The following ZNF215 variants were observed in gnomAD, a reference collection of about 807,000 sequenced individuals.
The protein encoded by ZNF215 is zinc finger protein 215, also known as BWSCR2-associated zinc finger protein 2.
A neutral mutation model predicts 27.2 loss-of-function variants in ZNF215; 24 were observed. That is an observed-to-expected ratio of 0.88 (90% confidence interval 0.64 to 1.24). ZNF215 has a LOEUF of 1.24. Among genes scored for constraint, ZNF215 ranks in the 50% most tolerant of loss-of-function variants. The pLI, the probability that ZNF215 is intolerant of heterozygous loss-of-function variation, is 0.00. For missense variants in ZNF215, 675 were observed against 605.7 expected (o/e 1.11, Z -1.20); for synonymous variants, 210 against 204.0 (o/e 1.03, Z -0.25).
At position 6,932,410 on chromosome 11, in the gene ZNF215, A is replaced by T; in HGVS notation, c.138A>T (p.Ala46=). 1 of 1,614,208 alleles carries T rather than the reference A, an allele frequency of 6.2e-7. No homozygotes were observed. The highest frequency in any genetic ancestry group is 8.5e-7 in the Non-Finnish European group (1 of 1,180,028). The change falls in exon 3 of 7, where the codon GCA becomes GCT. Residue 46 remains alanine (A), a synonymous_variant. Coordinates refer to ENST00000278319, the MANE Select transcript of ZNF215 (RefSeq NM_013250.4). Reference sequence around the variant, plus strand: ...TCGTGGAGACACATGACTCTGAGGCATCTCGTCAAAAGTTCAGACATTTCC... The same window carrying T: ...TCGTGGAGACACATGACTCTGAGGCTTCTCGTCAAAAGTTCAGACATTTCC... ...NPVVETHDSE[A]SRQKFRHFQY...
At position 6,955,796 on chromosome 11, in the gene ZNF215, A is replaced by G. The variant is rs758746303; in HGVS notation, c.819A>G (p.Leu273=). The part of the protein sequence containing the change: ...SSDAWKGENW[L]YRNQKKWDIN... Reference sequence around the variant, plus strand: ...ATGCCTGGAAAGGTGAGAATTGGTTATATAGGAACCAGAAAAAATGGGACA... The same window carrying G: ...ATGCCTGGAAAGGTGAGAATTGGTTGTATAGGAACCAGAAAAAATGGGACA... Residue 273 remains leucine (L), a synonymous_variant, in exon 7 of 7, where the codon TTA becomes TTG. Coordinates refer to ENST00000278319, the MANE Select transcript of ZNF215 (RefSeq NM_013250.4). 12 of 1,613,876 alleles carry G rather than the reference A, an allele frequency of 7.4e-6. No homozygotes were observed. The highest frequency in any genetic ancestry group is 9.3e-6 in the Non-Finnish European group (11 of 1,179,958).
At position 6,943,187 on chromosome 11, in the gene ZNF215, C is replaced by A; in HGVS notation, c.588C>A (p.Asn196Lys). The A allele has an allele frequency of 6.2e-7, 1 of 1,613,462 alleles. No homozygotes were observed. Among genetic ancestry groups the A allele is most frequent in the Non-Finnish European group, 8.5e-7 (1 of 1,179,818 alleles). Residue 196 changes from asparagine (N) to lysine (K), a missense_variant, in exon 5 of 7, where the codon AAC (asparagine) becomes AAA (lysine). Asn to Lys is a moderately conservative substitution (Grantham distance 94, BLOSUM62 0). Coordinates refer to ENST00000278319, the MANE Select transcript of ZNF215 (RefSeq NM_013250.4). The part of the protein sequence containing the change: ...KNLYRNVMLE[N>K]FRNLNSLRKA... ...TGTACAGGAATGTGATGCTGGAAAA[C>A]TTTAGGAACCTGAATTCATTGCGTA... is the stretch of plus-strand genomic sequence containing the variant.
chr11:6,976,926 G>A (rs1486154821), intron 5 of ZNF215, among the ~76,000 whole-genome samples: 7 of 152,044 alleles, frequency 4.6e-5, no homozygotes, highest in South Asian at 2.1e-4. Context: ...AAAAAGTCAA[G>A]ATGTTGGCAG....
At chr11:6,973,358 C>A (rs1190348589) in intron 5 of ZNF215, among the ~76,000 whole-genome samples, 3 of 152,084 alleles carry the variant, frequency 2.0e-5, no homozygotes, top group Admixed American at 2.0e-4. Context: ...AATAAACATA[C>A]GTGTGCATGT....
chr11:6,931,625 T>G (rs1849269110), intron 2 of ZNF215, among the ~76,000 whole-genome samples: 1 of 151,860 alleles, frequency 6.6e-6, no homozygotes, highest in Non-Finnish European at 1.5e-5. Flanking sequence ...TGGATATTAT[T>G]CTAGTATATT....
chr11:6,979,914 G>A (rs1414800628), intron 5 of ZNF215, among the ~76,000 whole-genome samples: 4 of 151,968 alleles, frequency 2.6e-5, no homozygotes, highest in Non-Finnish European at 1.5e-5. Flanking sequence ...TTTTTTAAAA[G>A]CTTATTTATT....
intron 5 of ZNF215, among the ~76,000 whole-genome samples, chr11:6,964,447 G>C (rs1158096366): frequency 6.6e-6 from 1 of 151,968 alleles, no homozygotes; most frequent in African/African-American, 2.4e-5. Flanking sequence ...CATTATGTGA[G>C]GTATGGGTCA....
At chr11:6,967,277 A>G (rs936292327) in intron 5 of ZNF215, among the ~76,000 whole-genome samples, 1 of 152,152 alleles carries the variant, frequency 6.6e-6, no homozygotes, top group Non-Finnish European at 1.5e-5. Context: ...ACATACATGT[A>G]TGTGTGTATT....
At chr11:6,941,780 C>A in intron 4 of ZNF215, 127 bp downstream of exon 4, 1 of 910,352 alleles carries the variant, frequency 1.1e-6, no homozygotes, top group Non-Finnish European at 1.7e-6. Context: ...TTTTATTTTC[C>A]CACAGGACAC....
intron 5 of ZNF215, among the ~76,000 whole-genome samples, chr11:6,967,279 G>A (rs1380706719): frequency 2.0e-5 from 3 of 152,138 alleles, no homozygotes; most frequent in African/African-American, 4.8e-5. Context: ...ATACATGTAT[G>A]TGTGTATTTA....
chr11:6,991,167 T>C (rs1851112470), downstream of ZNF215, among the ~76,000 whole-genome samples: 1 of 152,034 alleles, frequency 6.6e-6, no homozygotes, highest in South Asian at 2.1e-4. Context: ...GGGCAAAGAG[T>C]CTCAGGTCAC....
downstream of ZNF215, among the ~76,000 whole-genome samples, chr11:6,985,485 A>G (rs908512936): frequency 6.6e-6 from 1 of 152,194 alleles, no homozygotes; most frequent in Non-Finnish European, 1.5e-5. Context: ...AACTAGAACA[A>G]GACAAAGATG....
chr11:6,960,052 G>T (rs1286775590), downstream of ZNF215, among the ~76,000 whole-genome samples: 1 of 151,972 alleles, frequency 6.6e-6, no homozygotes, highest in Non-Finnish European at 1.5e-5. Flanking sequence ...GGTCTAAAAA[G>T]TTAAATGCCA....
downstream of ZNF215, among the ~76,000 whole-genome samples, chr11:6,962,936 T>G (rs959835120): frequency 4.6e-5 from 7 of 152,126 alleles, no homozygotes; most frequent in African/African-American, 1.7e-4. Context: ...TGTGTCATGT[T>G]GTGTGTCATA....
At chr11:6,981,561 C>T (rs1303433499) in intron 5 of ZNF215, among the ~76,000 whole-genome samples, 3 of 151,942 alleles carry the variant, frequency 2.0e-5, no homozygotes, top group Non-Finnish European at 4.4e-5. Flanking sequence ...TTGTAGGTTG[C>T]CTGTTCACTC....
chr11:6,958,794 G>A (rs1379652688), downstream of ZNF215, among the ~76,000 whole-genome samples: 1 of 152,154 alleles, frequency 6.6e-6, no homozygotes, highest in Admixed American at 6.5e-5. Context: ...TGTGGTTGAA[G>A]GTCCAAGAGT....
In ZNF215 at chr11:6,956,639, C is replaced by G. The variant is rs753078209; in HGVS notation, c.*108C>G. On this transcript the variant is annotated 3_prime_UTR_variant, in exon 7 of 7. Transcript: ENST00000278319. ...GAATATAATGTAAGAAAACATTTGT[C>G]AGATTTTTCTTTAAATGATATCACA... The G allele has an allele frequency of 6.9e-5, 97 of 1,414,500 alleles. No individual in the cohort carries two copies. The highest frequency in any genetic ancestry group is 6.8e-4 in the Middle Eastern group (3 of 4,438). 87.6% of individuals were successfully genotyped at this position (1,414,500 alleles called of 1,614,324 possible).
intron 3 of ZNF215, among the ~76,000 whole-genome samples, chr11:6,936,088 C>T (rs1397846835): frequency 1.3e-5 from 2 of 151,956 alleles, no homozygotes; most frequent in Non-Finnish European, 2.9e-5. Context: ...AAGATCTCAA[C>T]CCTCCACCTG....
intron 6 of ZNF215, 55 bp downstream of exon 6, chr11:6,943,696 AC>A: frequency 1.5e-6 from 2 of 1,347,122 alleles, no homozygotes; most frequent in Non-Finnish European, 1.1e-6. Context: ...TCCTAAACAT[AC>A]AGACAATGTG....
Sources: allele counts gnomAD v4.1 joint callset (sites outside exome capture counted in the v4.1 genomes callset), GRCh38; gene constraint gnomAD v4.1.1; transcripts MANE v1.5; gene names NCBI Gene and HGNC (gene_info 2026-07-23, HGNC 2026-07-21).